Variants in ARHGAP15 observed in about 807,000 individuals in gnomAD.
The protein encoded by ARHGAP15 is Rho GTPase activating protein 15.
In ARHGAP15, 51 loss-of-function variants were observed where a neutral mutation model predicts 63.7. The ratio of observed to expected loss-of-function variants is 0.80; its 90% CI spans 0.64 to 1.01. The LOEUF is 1.01. Ranked by LOEUF, ARHGAP15 falls within the 50% of genes least tolerant of loss-of-function variation. The pLI, the probability that ARHGAP15 is intolerant of heterozygous loss-of-function variation, is 0.00. For missense variants in ARHGAP15, 560 were observed against 564.6 expected, an observed-to-expected ratio of 0.99 and a Z score of 0.08; for synonymous variants, 191 against 193.8, an observed-to-expected ratio of 0.99 and a Z score of 0.12.
At chr2:143,176,040 A>T (rs1690998170) in intron 2 of ARHGAP15, among the ~76,000 whole-genome samples, 1 of 152,202 alleles carries the variant, frequency 6.6e-6, no homozygotes. Flanking sequence ...GACAGATTTC[A>T]AGGGAATCAT....
chr2:143,359,658 A>G (rs990359845), intron 6 of ARHGAP15, among the ~76,000 whole-genome samples: 1 of 152,226 alleles, frequency 6.6e-6, no homozygotes, highest in African/African-American at 2.4e-5. Context: ...AGATATGTGC[A>G]GGTCAGTATT....
intron 6 of ARHGAP15, among the ~76,000 whole-genome samples, chr2:143,360,238 G>A (rs1425959004): frequency 1.3e-5 from 2 of 150,730 alleles, no homozygotes; most frequent in Non-Finnish European, 3.0e-5. Flanking sequence ...AAAAAAAATA[G>A]CACATTATGG....
chr2:143,183,417 T>C lies in ARHGAP15; in HGVS notation c.166-18717T>C, dbSNP rs530914821. 3.3e-5 allele frequency among the ~76,000 whole-genome samples: 5 copies of C among 152,334 alleles called. No individual in the cohort carries two copies. The South Asian group carries it at 1.0e-3, about 32-fold the overall frequency. ...TAAGGTGTCTTTCAGATGTAAGCCA[T>C]GTTTTTTCTGGGTAGTGGGAACAAC... On this transcript the variant is annotated intron_variant, in intron 2 of 13. Coordinates refer to ENST00000295095, the MANE Select transcript of ARHGAP15 (RefSeq NM_018460.4).
chr2:143,631,250 G>T (rs997854938), intron 12 of ARHGAP15, among the ~76,000 whole-genome samples: 1 of 151,952 alleles, frequency 6.6e-6, no homozygotes, highest in Non-Finnish European at 1.5e-5. Context: ...TCTAGTCTTT[G>T]ATTGTTACAA....
intron 11 of ARHGAP15, chr2:143,601,456 T>G (rs954478374): frequency 1.3e-5 from 2 of 152,080 alleles, no homozygotes; most frequent in African/African-American, 4.8e-5. Context: ...CAACCAAAAG[T>G]CATAGTTTCA....
intron 11 of ARHGAP15, among the ~76,000 whole-genome samples, chr2:143,590,999 A>G (rs1697299380): frequency 6.6e-6 from 1 of 152,164 alleles, no homozygotes; most frequent in Admixed American, 6.6e-5. Flanking sequence ...CATTTGAGAA[A>G]CACAGATTTT....
chr2:143,723,086 T>C (rs1310859444), intron 13 of ARHGAP15, among the ~76,000 whole-genome samples: 3 of 152,174 alleles, frequency 2.0e-5, no homozygotes, highest in Non-Finnish European at 4.4e-5. Context: ...CAAATACCAC[T>C]GTGTTAAAAC....
intron 12 of ARHGAP15, among the ~76,000 whole-genome samples, chr2:143,698,105 C>G (rs145297460): frequency 6.6e-6 from 1 of 152,128 alleles, no homozygotes; most frequent in African/African-American, 2.4e-5. Context: ...ACTCCCTATA[C>G]ATTGATTACT....
intron 10 of ARHGAP15, among the ~76,000 whole-genome samples, chr2:143,542,364 G>A (rs1461449149): frequency 4.6e-5 from 7 of 151,852 alleles, no homozygotes; most frequent in South Asian, 2.1e-4. Flanking sequence ...GCTCATGCAC[G>A]GTGCACTGCA....
chr2:143,531,742 G>A (rs1694532990), intron 10 of ARHGAP15, among the ~76,000 whole-genome samples: 1 of 152,290 alleles, frequency 6.6e-6, no homozygotes, highest in East Asian at 1.9e-4. Context: ...CATTTATTAA[G>A]CACTCATAAT....
intron 6 of ARHGAP15, among the ~76,000 whole-genome samples, chr2:143,355,996 A>G (rs1351973463): frequency 6.6e-6 from 1 of 152,104 alleles, no homozygotes; most frequent in Non-Finnish European, 1.5e-5. Context: ...CACCACTGAC[A>G]GGCTATATGA....
intron 2 of ARHGAP15, among the ~76,000 whole-genome samples, chr2:143,197,131 A>C (rs545568403): frequency 2.4e-4 from 36 of 152,104 alleles, no homozygotes; most frequent in African/African-American, 8.4e-4. Flanking sequence ...GTTGAGGAAG[A>C]ATTTAAACTA....
intron 13 of ARHGAP15, among the ~76,000 whole-genome samples, chr2:143,741,626 G>T (rs902817908): frequency 1.3e-5 from 2 of 152,202 alleles, no homozygotes; most frequent in South Asian, 2.1e-4. Context: ...GGAGACTTGG[G>T]CCTTCAAGAA....
chr2:143,726,435 GA>G (rs963363227), intron 13 of ARHGAP15, among the ~76,000 whole-genome samples: 52 of 140,420 alleles, frequency 3.7e-4, no homozygotes, highest in South Asian at 6.9e-4. Context: ...AAAAAAAAAA[GA>G]AAAAAAAAAG....
chr2:143,276,972 C>T (rs1228161837), intron 6 of ARHGAP15, among the ~76,000 whole-genome samples: 5 of 152,162 alleles, frequency 3.3e-5, no homozygotes, highest in East Asian at 1.9e-4. Flanking sequence ...GAAATTGCAT[C>T]GTTGGAGACT....
At chr2:143,633,505 T>G (rs1680154609) in intron 12 of ARHGAP15, among the ~76,000 whole-genome samples, 2 of 152,066 alleles carry the variant, frequency 1.3e-5, no homozygotes. Context: ...ATGTGGTGCT[T>G]GTCTTTTTGC....
At chr2:143,273,548 T>C (rs1574193314) in intron 6 of ARHGAP15, among the ~76,000 whole-genome samples, 1 of 152,172 alleles carries the variant, frequency 6.6e-6, no homozygotes, top group Non-Finnish European at 1.5e-5. Flanking sequence ...CTCTAGTTAA[T>C]AAGTATATGA....
intron 6 of ARHGAP15, among the ~76,000 whole-genome samples, chr2:143,359,837 G>A (rs1358479151): frequency 6.6e-6 from 1 of 152,094 alleles, no homozygotes. Flanking sequence ...AGAAAGTAAT[G>A]TTTTCATGAT....
intron 1 of ARHGAP15, among the ~76,000 whole-genome samples, chr2:143,140,564 G>C (rs933482760): frequency 2.6e-5 from 4 of 152,082 alleles, no homozygotes; most frequent in Admixed American, 6.5e-5. Flanking sequence ...TAGTCCACAA[G>C]ACAGATCTAC....
Sources: allele counts gnomAD v4.1 joint callset (sites outside exome capture counted in the v4.1 genomes callset), GRCh38; gene constraint gnomAD v4.1.1; transcripts MANE v1.5; gene names NCBI Gene and HGNC (gene_info 2026-07-23, HGNC 2026-07-21).